MIER1: variants seen among roughly 807,000 people sequenced by gnomAD.
The protein encoded by MIER1 is mesoderm induction early response protein 1.
MIER1 carries 40 observed loss-of-function variants against 75.7 expected under a neutral mutation model. That is an observed-to-expected ratio of 0.53 (90% CI 0.41 to 0.69). MIER1 has a LOEUF of 0.69. Ranked by LOEUF, MIER1 falls within the 30% of genes least tolerant of loss-of-function variation. The pLI is 0.00. For synonymous variants in MIER1, 213 were observed against 223.4 expected, an observed-to-expected ratio of 0.95 and a Z score of 0.42; for missense variants, 574 against 680.2, an observed-to-expected ratio of 0.84 and a Z score of 1.74.
chr1:66,971,336 A>AT (rs1026981304), intron 9 of MIER1, among the ~76,000 whole-genome samples: 2 of 151,672 alleles, frequency 1.3e-5, no homozygotes, highest in Non-Finnish European at 2.9e-5. Context: ...TTTTTTTCTG[A>AT]TTTGTTTAAA....
At chr1:66,928,143 A>G (rs1295533630) in intron 2 of MIER1, among the ~76,000 whole-genome samples, 1 of 152,092 alleles carries the variant, frequency 6.6e-6, no homozygotes, top group Non-Finnish European at 1.5e-5. Context: ...AAGGGGAAAA[A>G]TGTAGAGAGT....
At chr1:66,973,217 G>A (rs35365746) in intron 11 of MIER1, among the ~76,000 whole-genome samples, 32,004 of 151,836 alleles carry the variant, frequency 0.21, 3,786 homozygotes, top group Non-Finnish European at 0.26. Context: ...TTTAAGAATT[G>A]TACTCATTTA....
chr1:66,949,175 C>A (rs1658347772), intron 4 of MIER1, among the ~76,000 whole-genome samples: 1 of 152,044 alleles, frequency 6.6e-6, no homozygotes, highest in East Asian at 1.9e-4. Flanking sequence ...GTAATAAAAT[C>A]TTGTATTTTC....
chr1:66,954,849 G>C (rs967544236), intron 4 of MIER1, among the ~76,000 whole-genome samples: 17 of 152,060 alleles, frequency 1.1e-4, no homozygotes, highest in African/African-American at 4.1e-4. Context: ...TGGGACTACA[G>C]GTGTGCACCA....
chr1:66,970,725 G>C, intron 8 of MIER1, 83 bp from the exon 9 acceptor site: 2 of 1,084,566 alleles, frequency 1.8e-6, no homozygotes, highest in East Asian at 2.8e-5. Flanking sequence ...ATTTGGCTCT[G>C]AGTTGTTTAT....
intron 7 of MIER1, among the ~76,000 whole-genome samples, chr1:66,961,227 TATAAG>T (rs1329444521): frequency 6.6e-6 from 1 of 152,176 alleles, no homozygotes; most frequent in Non-Finnish European, 1.5e-5. Context: ...TTTTAAGACT[TATAAG>T]ATGAAATTGA....
In MIER1 at chr1:66,946,578, G is replaced by C. The variant is rs12090955; in HGVS notation, c.339+283G>C. 9 of 1,071,020 alleles carry C rather than the reference G, an allele frequency of 8.4e-6. No homozygotes were observed. In the Admixed American group the frequency reaches 4.7e-4, roughly 56 times the overall value. The allele number at this position is 1,071,020 out of a possible 1,614,324, so 66.3% of individuals were successfully genotyped here. On this transcript the variant is annotated intron_variant, in intron 4 of 13. Transcript: ENST00000401041. Reference sequence around the variant, plus strand: ...TCTGGTCAAAAATGGACTATAAAAGGATTCTACACGGCCTCATATATCCTT... The same window carrying C: ...TCTGGTCAAAAATGGACTATAAAAGCATTCTACACGGCCTCATATATCCTT...
intron 8 of MIER1, among the ~76,000 whole-genome samples, chr1:66,963,446 G>A (rs928282265): frequency 3.3e-5 from 5 of 151,844 alleles, no homozygotes; most frequent in South Asian, 2.1e-4. Context: ...TTTTTTCCCC[G>A]TATTTTCAGT....
At chr1:66,964,182 C>T (rs1661854055) in intron 8 of MIER1, among the ~76,000 whole-genome samples, 1 of 150,670 alleles carries the variant, frequency 6.6e-6, no homozygotes, top group Non-Finnish European at 1.5e-5. Context: ...AGTGATTCTC[C>T]TGCCTCAGCC....
chr1:66,968,480 T>C (rs564016279), intron 8 of MIER1, among the ~76,000 whole-genome samples: 2 of 152,324 alleles, frequency 1.3e-5, no homozygotes, highest in African/African-American at 4.8e-5. Flanking sequence ...GATATCTTTA[T>C]TGTAGGGATT....
At chr1:66,930,312 G>A in intron 2 of MIER1, 1 of 1,585,232 alleles carries the variant, frequency 6.3e-7, no homozygotes, top group Non-Finnish European at 8.6e-7. Flanking sequence ...CCGGAGTCCC[G>A]TTGCTGAGTC....
chr1:66,982,050 A>G (rs1665995034), intron 13 of MIER1, 132 bp downstream of exon 13: 1 of 828,860 alleles, frequency 1.2e-6, no homozygotes, highest in African/African-American at 1.7e-5. Flanking sequence ...CATGAGACAA[A>G]CATAACATCA....
chr1:66,937,019 A>AAG (rs1316643715), intron 2 of MIER1, among the ~76,000 whole-genome samples: 2 of 148,930 alleles, frequency 1.3e-5, no homozygotes, highest in African/African-American at 2.4e-5. Flanking sequence ...AAAAAAAAAA[A>AAG]AGAGAAAAAG....
At chr1:66,939,525 C>T (rs1456152650) in intron 2 of MIER1, among the ~76,000 whole-genome samples, 1 of 152,058 alleles carries the variant, frequency 6.6e-6, no homozygotes, top group Non-Finnish European at 1.5e-5. Context: ...GTATTTGGTG[C>T]TTAAACAGAA....
At chr1:66,944,112 A>G (rs1217848710) in intron 3 of MIER1, among the ~76,000 whole-genome samples, 3 of 152,108 alleles carry the variant, frequency 2.0e-5, no homozygotes, top group Non-Finnish European at 4.4e-5. Context: ...TAAGCACTCA[A>G]AAAAATGATT....
chr1:66,971,607 G>T, intron 9 of MIER1, 48 bp from the exon 10 acceptor site: 1 of 925,930 alleles, frequency 1.1e-6, no homozygotes, highest in South Asian at 1.5e-5. Flanking sequence ...TTGTAGCATT[G>T]AACTGTTTAT....
intron 4 of MIER1, among the ~76,000 whole-genome samples, chr1:66,953,467 G>A (rs932970152): frequency 1.1e-4 from 17 of 151,916 alleles, no homozygotes; most frequent in East Asian, 1.9e-4. Flanking sequence ...TTATACTGTC[G>A]TGCTTCAACT....
intron 8 of MIER1, among the ~76,000 whole-genome samples, chr1:66,967,779 TTTTGA>T (rs1662730958): frequency 6.6e-6 from 1 of 152,170 alleles, no homozygotes; most frequent in African/African-American, 2.4e-5. Flanking sequence ...GGGATTAGTC[TTTTGA>T]TTTCCTTTTC....
chr1:66,931,716 A>G (rs998047706), intron 2 of MIER1, among the ~76,000 whole-genome samples: 8 of 152,140 alleles, frequency 5.3e-5, no homozygotes, highest in Non-Finnish European at 8.8e-5. Flanking sequence ...TGTTTCCCCA[A>G]AATGTGACTG....
Sources: allele counts gnomAD v4.1 joint callset (sites outside exome capture counted in the v4.1 genomes callset), GRCh38; gene constraint gnomAD v4.1.1; transcripts MANE v1.5; gene names NCBI Gene and HGNC (gene_info 2026-07-23, HGNC 2026-07-21).